TRMT11: variants seen among roughly 807,000 people sequenced by gnomAD.
The protein encoded by TRMT11 is tRNA (guanine(10)-N(2))-methyltransferase TRMT11.
A neutral mutation model predicts 62.8 loss-of-function variants in TRMT11; 53 were observed. That is an observed-to-expected ratio of 0.84 (90% CI 0.68 to 1.06). The LOEUF is 1.06. TRMT11 is among the 50% of genes least tolerant of loss of function. The pLI is 0.00. For missense variants in TRMT11, 556 were observed against 553.4 expected, an observed-to-expected ratio of 1.00 and a Z score of -0.05; for synonymous variants, 188 against 190.3, an observed-to-expected ratio of 0.99 and a Z score of 0.10.
intron 21 of TRMT11, among the ~76,000 whole-genome samples, chr6:126,168,329 A>T (rs1227608014): frequency 6.6e-6 from 1 of 152,190 alleles, no homozygotes. Flanking sequence ...TCAAAATCTA[A>T]GAACTAAACT....
intron 12 of TRMT11, among the ~76,000 whole-genome samples, chr6:126,024,358 C>T (rs1796239013): frequency 6.6e-6 from 1 of 152,194 alleles, no homozygotes; most frequent in Non-Finnish European, 1.5e-5. Flanking sequence ...GTCTTGCTGT[C>T]TTCACAAGGC....
intron 21 of TRMT11, among the ~76,000 whole-genome samples, chr6:126,123,376 G>A (rs1337385779): frequency 6.6e-6 from 1 of 152,092 alleles, no homozygotes; most frequent in Non-Finnish European, 1.5e-5. Flanking sequence ...ACTAGTCAAG[G>A]AACACAGTGC....
chr6:126,005,182 C>T (rs533095462), intron 7 of TRMT11, among the ~76,000 whole-genome samples: 6 of 152,036 alleles, frequency 3.9e-5, no homozygotes, highest in African/African-American at 1.4e-4. Flanking sequence ...ATATATAACA[C>T]TCTTATTAAC....
rs1441486348 is a variant in TRMT11 at position 126,012,817 on chromosome 6, G to A, written c.972G>A (p.Lys324=). Residue 324 remains lysine, a synonymous_variant, in exon 10 of 13, where the codon AAG becomes AAA. Coordinates refer to ENST00000334379, the MANE Select transcript of TRMT11 (RefSeq NM_001031712.3). ...CTACAAGAAGAACAGGTTCACAGAA[G>A]GAGATACCAAAGGGGATAGAAAAAT... is the stretch of plus-strand genomic sequence containing the variant. ...RESTRRTGSQ[K]EIPKGIEKWE... is the part of the protein sequence containing the mutation. 3 of 1,613,648 alleles carry A rather than the reference G, an allele frequency of 1.9e-6. No individual in the cohort carries two copies. Among genetic ancestry groups the A allele is most frequent in the African/African-American group, 1.3e-5 (1 of 74,910 alleles).
At chr6:126,167,309 G>T (rs561116531) in intron 21 of TRMT11, among the ~76,000 whole-genome samples, 26 of 152,294 alleles carry the variant, frequency 1.7e-4, no homozygotes, top group African/African-American at 6.0e-4. Flanking sequence ...TAGTGTCTGG[G>T]CCAGATAGCA....
intron 16 of TRMT11, among the ~76,000 whole-genome samples, chr6:126,044,878 A>C (rs1181256536): frequency 6.6e-6 from 1 of 152,086 alleles, no homozygotes; most frequent in Non-Finnish European, 1.5e-5. Context: ...ATAAGGAAGA[A>C]CTGATTGTTA....
intron 17 of TRMT11, among the ~76,000 whole-genome samples, chr6:126,106,552 G>A (rs766992439): frequency 2.5e-4 from 38 of 152,194 alleles, no homozygotes; most frequent in Non-Finnish European, 2.9e-5. Flanking sequence ...GAAGATAGAT[G>A]TTGTATGGCA....
At chr6:126,063,817 G>T (rs1021838249) in intron 17 of TRMT11, among the ~76,000 whole-genome samples, 1 of 152,230 alleles carries the variant, frequency 6.6e-6, no homozygotes, top group African/African-American at 2.4e-5. Context: ...TTACAGCCCA[G>T]GGTAGAAATC....
chr6:126,128,915 A>AT (rs36071656), intron 21 of TRMT11, among the ~76,000 whole-genome samples: 27,987 of 130,332 alleles, frequency 0.21, 3,214 homozygotes, highest in African/African-American at 0.28. Context: ...TTGTTTTCTG[A>AT]TTTTTTTTTT....
At chr6:126,020,874 A>G (rs1482231917) in intron 11 of TRMT11, among the ~76,000 whole-genome samples, 3 of 152,256 alleles carry the variant, frequency 2.0e-5, no homozygotes, top group Admixed American at 2.0e-4. Context: ...GGGTGGAATC[A>G]TCTTGTACTT....
the TRMT11 span, among the ~76,000 whole-genome samples, chr6:126,253,100 G>GAA: frequency 3.0e-3 from 446 of 146,556 alleles, 1 homozygote; most frequent in African/African-American, 9.5e-3. Flanking sequence ...TGGATTTAAT[G>GAA]AAAAAAAAAA....
the TRMT11 span, among the ~76,000 whole-genome samples, chr6:126,256,586 A>G: frequency 2.0e-5 from 3 of 152,216 alleles, no homozygotes; most frequent in African/African-American, 4.8e-5. Context: ...TTGCATCTCA[A>G]ATCCACTCAA....
At chr6:126,179,082 C>T (rs566352314) in intron 1 of TRMT11, among the ~76,000 whole-genome samples, 20 of 152,114 alleles carry the variant, frequency 1.3e-4, no homozygotes, top group African/African-American at 4.3e-4. Context: ...TATCAGCTCC[C>T]CCACCCACCT....
chr6:126,069,379 G>A (rs781265938), intron 17 of TRMT11, among the ~76,000 whole-genome samples: 19 of 152,278 alleles, frequency 1.2e-4, no homozygotes, highest in Non-Finnish European at 2.1e-4. Flanking sequence ...TATCTTTACT[G>A]TTTCTGGGCA....
At position 126,092,444 on chromosome 6, in the gene TRMT11, A is replaced by G. The variant is rs1583872596; in HGVS notation, c.*1438-20422A>G. On this transcript the variant is annotated intron_variant and NMD_transcript_variant, in intron 17 of 22. Transcript: ENST00000648977. ...AGAAAACCATCAGATCTCATGAGAC[A>G]TATGCACTACCATGAGAACAGTATG... Among the ~76,000 whole-genome samples the G allele has an allele frequency of 3.9e-5, 6 of 152,292 alleles. No individual in the cohort carries two copies. The South Asian group carries it at 1.2e-3, about 32-fold the overall frequency.
the TRMT11 span, among the ~76,000 whole-genome samples, chr6:126,251,463 T>C: frequency 6.6e-6 from 1 of 152,178 alleles, no homozygotes; most frequent in Non-Finnish European, 1.5e-5. Flanking sequence ...ATACTTATCA[T>C]TTTTGTGTGA....
At chr6:125,996,359 A>G (rs181563324) in intron 3 of TRMT11, among the ~76,000 whole-genome samples, 6 of 152,382 alleles carry the variant, frequency 3.9e-5, no homozygotes, top group African/African-American at 7.2e-5. Flanking sequence ...CAAAGTGCTG[A>G]AAATCCAAAA....
At chr6:126,032,524 T>C (rs918625097) in intron 12 of TRMT11, among the ~76,000 whole-genome samples, 19 of 152,148 alleles carry the variant, frequency 1.2e-4, no homozygotes, top group Admixed American at 6.5e-4. Context: ...TTTCTTCCCC[T>C]CTTTTCATAT....
chr6:126,264,144 G>A, the TRMT11 span, among the ~76,000 whole-genome samples: 1 of 152,112 alleles, frequency 6.6e-6, no homozygotes, highest in South Asian at 2.1e-4. Context: ...CAAGTTAAAG[G>A]AACACCATTA....
Sources: allele counts gnomAD v4.1 joint callset (sites outside exome capture counted in the v4.1 genomes callset), GRCh38; gene constraint gnomAD v4.1.1; transcripts MANE v1.5; gene names NCBI Gene and HGNC (gene_info 2026-07-23, HGNC 2026-07-21).